Variants in PPP1R9A observed in about 807,000 individuals in gnomAD.
PPP1R9A encodes the protein protein phosphatase 1 regulatory subunit 9A.
Under a neutral mutation model 141.9 loss-of-function variants are expected in PPP1R9A, and 59 were observed. The observed-to-expected ratio is 0.42, with a 90% CI of 0.34 to 0.52. The LOEUF (loss-of-function observed/expected upper bound fraction) is 0.52, where lower values mean the gene tolerates loss of function less well. Ranked by LOEUF, PPP1R9A falls within the 20% of genes least tolerant of loss-of-function variation. PPP1R9A has a pLI of 0.10. For missense variants in PPP1R9A, 1,444 were observed against 1,611.9 expected (o/e 0.90, Z 1.78); for synonymous variants, 500 against 569.7 (o/e 0.88, Z 1.74).
In PPP1R9A at chr7:95,142,100, C is replaced by G. The variant is rs148057600; in HGVS notation, c.1650-19767C>G. On this transcript the variant is annotated intron_variant, in intron 4 of 19. Transcript: ENST00000433360. Reference sequence around the variant, plus strand: ...CATTTTAGTTTTGGTTTGCATTTCCCTGGTGGCTAATGATGTTGAACATTT... The same window carrying G: ...CATTTTAGTTTTGGTTTGCATTTCCGTGGTGGCTAATGATGTTGAACATTT... Among the ~76,000 whole-genome samples the G allele has an allele frequency of 8.8e-3, 1,345 of 152,084 alleles. 20 individuals carry two copies. The highest frequency in any genetic ancestry group is 0.052 in the South Asian group (249 of 4,814).
At chr7:94,942,495 T>C (rs1795439578) in intron 2 of PPP1R9A, among the ~76,000 whole-genome samples, 2 of 152,128 alleles carry the variant, frequency 1.3e-5, no homozygotes, top group Non-Finnish European at 2.9e-5. Context: ...TGCCTGTAAG[T>C]ATTGTCTATG....
At chr7:94,962,699 C>G (rs978356057) in intron 2 of PPP1R9A, among the ~76,000 whole-genome samples, 1 of 151,980 alleles carries the variant, frequency 6.6e-6, no homozygotes, top group Non-Finnish European at 1.5e-5. Flanking sequence ...TATGTGTAAT[C>G]TAAAAAAAAT....
At chr7:94,981,597 CTTGT>C (rs1258616048) in intron 2 of PPP1R9A, among the ~76,000 whole-genome samples, 3 of 152,042 alleles carry the variant, frequency 2.0e-5, no homozygotes, top group African/African-American at 7.2e-5. Flanking sequence ...ATATTTTCAC[CTTGT>C]ATTACAGATA....
chr7:95,255,045 C>T (rs1799390731), intron 12 of PPP1R9A, among the ~76,000 whole-genome samples: 1 of 151,908 alleles, frequency 6.6e-6, no homozygotes, highest in South Asian at 2.1e-4. Flanking sequence ...AGAGCCATAA[C>T]AGACCCCAAA....
At chr7:94,941,241 G>T (rs1049871166) in intron 2 of PPP1R9A, among the ~76,000 whole-genome samples, 4 of 152,130 alleles carry the variant, frequency 2.6e-5, no homozygotes, top group Non-Finnish European at 5.9e-5. Context: ...AAGGCTTAGA[G>T]TTAGTAACAA....
At chr7:95,077,975 T>C (rs936834118) in intron 2 of PPP1R9A, among the ~76,000 whole-genome samples, 25 of 106,174 alleles carry the variant, frequency 2.4e-4, no homozygotes, top group African/African-American at 7.8e-4. Flanking sequence ...TCTTCTACTC[T>C]GTTTTTTTTT....
At chr7:95,018,795 C>T (rs533602012) in intron 2 of PPP1R9A, among the ~76,000 whole-genome samples, 4 of 152,192 alleles carry the variant, frequency 2.6e-5, no homozygotes, top group Non-Finnish European at 5.9e-5. Flanking sequence ...GAAGCTCTTA[C>T]TGCCTGACGT....
At position 95,080,084 on chromosome 7, in the gene PPP1R9A, C is replaced by T. The variant is rs1394813223; in HGVS notation, c.1396-31175C>T. 2.6e-5 allele frequency among the ~76,000 whole-genome samples: 4 copies of T among 152,144 alleles called. No homozygotes were observed. In the East Asian group the frequency reaches 5.8e-4, roughly 22 times the overall value. ...TTCAACATAGTGTTGGAAGTTCTGG[C>T]CAGGGCAATTAGGCAGGAGAAGGAA... On this transcript the variant is annotated intron_variant, in intron 2 of 19. Coordinates refer to ENST00000433360, the MANE Select transcript of PPP1R9A (RefSeq NM_001166160.2).
chr7:95,045,774 C>T (rs1233066442), intron 2 of PPP1R9A, among the ~76,000 whole-genome samples: 2 of 151,888 alleles, frequency 1.3e-5, no homozygotes, highest in Non-Finnish European at 2.9e-5. Context: ...GCCTAACTAC[C>T]TACTGTATGG....
intron 2 of PPP1R9A, among the ~76,000 whole-genome samples, chr7:94,990,952 G>A (rs1311136119): frequency 6.6e-6 from 1 of 151,672 alleles, no homozygotes; most frequent in Non-Finnish European, 1.5e-5. Context: ...CTCTGTTGTC[G>A]GACACCTGAT....
Position 95,291,184 on chromosome 7 carries a change from T to C in PPP1R9A, c.*881T>C, listed in dbSNP as rs949034212. On this transcript the variant is annotated 3_prime_UTR_variant, in exon 20 of 20. Coordinates refer to ENST00000433360, the MANE Select transcript of PPP1R9A (RefSeq NM_001166160.2). ...TCTTCCCCCTACCTAACCCAAGAAA[T>C]TGAACAGGAAATTGATTTTTAAGGA... is the stretch of plus-strand genomic sequence containing the variant. 2 of 152,124 alleles carry C rather than the reference T, an allele frequency of 1.3e-5. No individual in the cohort carries two copies. The highest frequency in any genetic ancestry group is 4.8e-5 in the African/African-American group (2 of 41,444). The allele number at this position is 152,124 out of a possible 1,614,324, so 9.4% of individuals were successfully genotyped here.
At chr7:95,201,202 T>G (rs1026391421) in intron 6 of PPP1R9A, among the ~76,000 whole-genome samples, 3 of 151,070 alleles carry the variant, frequency 2.0e-5, no homozygotes, top group African/African-American at 7.4e-5. Flanking sequence ...AGTACTCAAA[T>G]TTTTTTTAAT....
At position 94,978,012 on chromosome 7, in the gene PPP1R9A, C is replaced by T. The variant is rs112789859; in HGVS notation, c.1395+66504C>T. 9.7e-3 allele frequency among the ~76,000 whole-genome samples: 1,484 copies of T among 152,238 alleles called. 12 individuals carry two copies. Among genetic ancestry groups the T allele is most frequent in the Non-Finnish European group, 0.015 (1,005 of 68,010 alleles). On this transcript the variant is annotated intron_variant, in intron 2 of 19. Coordinates refer to ENST00000433360, the MANE Select transcript of PPP1R9A (RefSeq NM_001166160.2). ...CCCTGACCTCATGATCCACCCGCCT[C>T]GGCCTCCCAAAGTGCTGGGATTACA...
At chr7:95,061,810 C>T (rs146998701) in intron 2 of PPP1R9A, among the ~76,000 whole-genome samples, 1 of 152,010 alleles carries the variant, frequency 6.6e-6, no homozygotes, top group Admixed American at 6.6e-5. Flanking sequence ...TTAGTCTTAC[C>T]CAAGATACAA....
chr7:95,041,176 A>G (rs1032474041), intron 2 of PPP1R9A, among the ~76,000 whole-genome samples: 2 of 152,186 alleles, frequency 1.3e-5, no homozygotes, highest in African/African-American at 4.8e-5. Flanking sequence ...CTTAGTAGTA[A>G]TGAGCATGGA....
At chr7:95,091,437 G>A (rs2152340367) in intron 2 of PPP1R9A, among the ~76,000 whole-genome samples, 1 of 140,246 alleles carries the variant, frequency 7.1e-6, no homozygotes, top group East Asian at 2.1e-4. Context: ...TCTGCCTACA[G>A]AGTTCAAGTG....
intron 4 of PPP1R9A, among the ~76,000 whole-genome samples, chr7:95,128,072 T>G (rs955619776): frequency 1.3e-5 from 2 of 152,224 alleles, no homozygotes; most frequent in African/African-American, 4.8e-5. Flanking sequence ...TACTTCTGTG[T>G]TCTTTGAGAA....
chr7:95,290,270 G>T lies in PPP1R9A; in HGVS notation c.4092G>T (p.Thr1364=). 1 of 1,612,274 alleles carries T rather than the reference G, an allele frequency of 6.2e-7. No individual in the cohort carries two copies. Among genetic ancestry groups the T allele is most frequent in the Non-Finnish European group, 8.5e-7 (1 of 1,179,168 alleles). Residue 1364 remains threonine, a synonymous_variant, in exon 20 of 20, where the codon ACG becomes ACT. Transcript: ENST00000433360. ...AGTCCAAAAAGACAGAAAAGATGACGTCAACTACAGCCGAGGGTGCTGGTG... is the reference window on the plus strand; with the variant it reads ...AGTCCAAAAAGACAGAAAAGATGACTTCAACTACAGCCGAGGGTGCTGGTG... ...QRKSKKTEKM[T]STTAEGAGEQ
intron 7 of PPP1R9A, among the ~76,000 whole-genome samples, chr7:95,220,384 T>A (rs1416872633): frequency 6.6e-6 from 1 of 152,144 alleles, no homozygotes; most frequent in African/African-American, 2.4e-5. Context: ...AAGGCTATTT[T>A]TGTGATTAGC....
Sources: allele counts gnomAD v4.1 joint callset (sites outside exome capture counted in the v4.1 genomes callset), GRCh38; gene constraint gnomAD v4.1.1; transcripts MANE v1.5; gene names NCBI Gene and HGNC (gene_info 2026-07-23, HGNC 2026-07-21).